Variants in ANKFN1 observed in about 807,000 individuals in gnomAD.
ANKFN1 encodes ankyrin repeat and fibronectin type III domain containing 1, also known as ankyrin repeat and fibronectin type-III domain-containing protein 1.
In ANKFN1, 74 loss-of-function variants were observed where a neutral mutation model predicts 108.7. The ratio of observed to expected loss-of-function variants is 0.68; its 90% CI spans 0.56 to 0.83. The LOEUF is 0.83. Ranked by LOEUF, ANKFN1 falls within the 40% of genes least tolerant of loss-of-function variation. ANKFN1 has a pLI of 0.00. For missense variants in ANKFN1, 1,505 were observed against 1,382.3 expected, an observed-to-expected ratio of 1.09 and a Z score of -1.41; for synonymous variants, 547 against 516.2, an observed-to-expected ratio of 1.06 and a Z score of -0.81.
At chr17:56,193,309 G>A (rs1351222153) in intron 1 of ANKFN1, among the ~76,000 whole-genome samples, 5 of 142,444 alleles carry the variant, frequency 3.5e-5, no homozygotes, top group South Asian at 2.3e-4. Flanking sequence ...GCTAGATGAC[G>A]AGTTAGTGGG....
At chr17:56,312,129 A>G (rs530005941) in intron 3 of ANKFN1, among the ~76,000 whole-genome samples, 2 of 152,254 alleles carry the variant, frequency 1.3e-5, no homozygotes, top group South Asian at 4.1e-4. Context: ...CTGCCCCTCT[A>G]TATCCTGAGG....
At chr17:56,507,205 C>A (rs2051598796) in intron 20 of ANKFN1, among the ~76,000 whole-genome samples, 1 of 152,168 alleles carries the variant, frequency 6.6e-6, no homozygotes, top group Non-Finnish European at 1.5e-5. Flanking sequence ...CAAAAACAAT[C>A]AACAATTTTG....
At chr17:56,167,318 C>CATATATATATAT (rs72496812) in intron 1 of ANKFN1, among the ~76,000 whole-genome samples, 1 of 133,248 alleles carries the variant, frequency 7.5e-6, no homozygotes, top group Admixed American at 7.6e-5. Flanking sequence ...CACACACACA[C>CATATATATATAT]ATATATATAT....
intron 2 of ANKFN1, among the ~76,000 whole-genome samples, chr17:56,216,442 A>T (rs1460483317): frequency 6.6e-6 from 1 of 152,218 alleles, no homozygotes; most frequent in Admixed American, 6.5e-5. Flanking sequence ...TCAGAGTCGG[A>T]TCATAATGAT....
Position 56,364,176 on chromosome 17 carries a change from A to G in ANKFN1, c.602-8470A>G, listed in dbSNP as rs574988091. Among the ~76,000 whole-genome samples, 7 of 152,160 alleles carry G rather than the reference A, an allele frequency of 4.6e-5. No individual in the cohort carries two copies. The East Asian group carries it at 1.2e-3, about 25-fold the overall frequency. On this transcript the variant is annotated intron_variant, in intron 6 of 20. Coordinates refer to ENST00000682825, the MANE Select transcript of ANKFN1 (RefSeq NM_001370326.1). ...TTCCACATTGTATTCACAAATCATA[A>G]TATTACTTTGTATCCCATAAATACA...
At chr17:56,273,480 G>A (rs1490407723) in intron 3 of ANKFN1, among the ~76,000 whole-genome samples, 1 of 152,036 alleles carries the variant, frequency 6.6e-6, no homozygotes, top group Non-Finnish European at 1.5e-5. Context: ...AAAAACAATG[G>A]AAATTTTTAA....
chr17:56,094,595 C>T (rs1297102661), intron 4 of ANKFN1, among the ~76,000 whole-genome samples: 1 of 145,602 alleles, frequency 6.9e-6, no homozygotes, highest in African/African-American at 2.6e-5. Flanking sequence ...CCTCCGCCTC[C>T]TGGGATCAAG....
At position 56,512,604 on chromosome 17, in the gene ANKFN1, C is replaced by T. The variant is rs1416680884; in HGVS notation, c.*1335C>T. On this transcript the variant is annotated 3_prime_UTR_variant, in exon 21 of 21. Transcript: ENST00000682825. ...GTTTCCTCATCTCCTGGAGCCAAGA[C>T]CCATTCACTTCACTGACATTCTAAA... Among the ~76,000 whole-genome samples the T allele has an allele frequency of 3.9e-5, 6 of 152,200 alleles. No homozygotes were observed. Among genetic ancestry groups the T allele is most frequent in the African/African-American group, 1.4e-4 (6 of 41,444 alleles).
chr17:56,276,114 G>C (rs985876779), intron 3 of ANKFN1, among the ~76,000 whole-genome samples: 6 of 152,102 alleles, frequency 3.9e-5, no homozygotes, highest in African/African-American at 1.4e-4. Flanking sequence ...AGAACATGCG[G>C]TGTTTGGTTT....
chr17:56,068,318 G>A (rs1360656994), intron 4 of ANKFN1, among the ~76,000 whole-genome samples: 2 of 152,184 alleles, frequency 1.3e-5, no homozygotes, highest in Admixed American at 6.5e-5. Context: ...GCCGTGTTAA[G>A]AGAAATTGAG....
chr17:56,496,525 T>G (rs914868724), intron 19 of ANKFN1, among the ~76,000 whole-genome samples: 2 of 152,082 alleles, frequency 1.3e-5, no homozygotes, highest in African/African-American at 2.4e-5. Flanking sequence ...CCTCTTCAGT[T>G]TCTGATGGCT....
chr17:56,283,535 A>ATATATATATATATATATATATATATATG (rs1247439427), intron 3 of ANKFN1, among the ~76,000 whole-genome samples: 1 of 150,088 alleles, frequency 6.7e-6, no homozygotes, highest in African/African-American at 2.5e-5. Context: ...ATATATATAT[A>ATATATATATATATATATATATATATATG]TATGATGGAA....
At chr17:56,447,777 C>T (rs1372436199) in intron 10 of ANKFN1, among the ~76,000 whole-genome samples, 2 of 152,152 alleles carry the variant, frequency 1.3e-5, no homozygotes, top group African/African-American at 2.4e-5. Context: ...ATTTAATGCT[C>T]GCAAATATCC....
At chr17:56,431,465 C>G (rs1185150923) in intron 8 of ANKFN1, among the ~76,000 whole-genome samples, 1 of 152,126 alleles carries the variant, frequency 6.6e-6, no homozygotes, top group Non-Finnish European at 1.5e-5. Flanking sequence ...AAAGGTATCC[C>G]TATTTTGTGG....
chr17:56,140,660 C>G (rs145147076), intron 4 of ANKFN1, among the ~76,000 whole-genome samples: 1 of 152,234 alleles, frequency 6.6e-6, no homozygotes, highest in African/African-American at 2.4e-5. Flanking sequence ...AGTGAATATT[C>G]TAATAATGCC....
intron 15 of ANKFN1, among the ~76,000 whole-genome samples, chr17:56,467,838 GAAAGAA>G (rs2050177212): frequency 1.6e-5 from 1 of 63,572 alleles, no homozygotes; most frequent in African/African-American, 8.3e-5. Flanking sequence ...AAGAAAGAAA[GAAAGAA>G]AGAAAGAAAA....
chr17:56,430,318 A>G (rs1460813125), intron 8 of ANKFN1, among the ~76,000 whole-genome samples: 1 of 152,126 alleles, frequency 6.6e-6, no homozygotes, highest in Admixed American at 6.6e-5. Context: ...TAATTTTTTA[A>G]AAAAGGTCAC....
intron 15 of ANKFN1, among the ~76,000 whole-genome samples, chr17:56,468,174 A>G (rs1178224848): frequency 6.6e-6 from 1 of 152,142 alleles, no homozygotes; most frequent in Admixed American, 6.5e-5. Context: ...CTGCTACATT[A>G]TGTCATATTT....
intron 4 of ANKFN1, among the ~76,000 whole-genome samples, chr17:56,083,261 A>G (rs2143171277): frequency 6.6e-6 from 1 of 151,520 alleles, no homozygotes; most frequent in Non-Finnish European, 1.5e-5. Context: ...AACAAAATGG[A>G]GAAACTGAAG....
Sources: allele counts gnomAD v4.1 joint callset (sites outside exome capture counted in the v4.1 genomes callset), GRCh38; gene constraint gnomAD v4.1.1; transcripts MANE v1.5; gene names NCBI Gene and HGNC (gene_info 2026-07-23, HGNC 2026-07-21).